The following SLC17A1 variants were observed in gnomAD, a reference collection of about 807,000 sequenced individuals.
SLC17A1 encodes solute carrier family 17 member 1.
In SLC17A1, 51 loss-of-function variants were observed where a neutral mutation model predicts 53.5. That is an observed-to-expected ratio of 0.95 (90% CI 0.76 to 1.20). The LOEUF (loss-of-function observed/expected upper bound fraction) is 1.20, where lower values mean the gene tolerates loss of function less well. Ranked by LOEUF, SLC17A1 falls within the 50% of genes most tolerant of loss-of-function variation. The pLI is 0.00. For synonymous variants in SLC17A1, 179 were observed against 198.8 expected (o/e 0.90, Z 0.84); for missense variants, 538 against 568.2 (o/e 0.95, Z 0.54).
the SLC17A1 span, among the ~76,000 whole-genome samples, chr6:25,725,205 A>G: frequency 2.6e-5 from 4 of 151,890 alleles, no homozygotes; most frequent in African/African-American, 9.7e-5. Context: ...TGAAGCATAT[A>G]CTCTTCCAAA....
chr6:25,743,671 C>A, the SLC17A1 span, among the ~76,000 whole-genome samples: 1 of 143,594 alleles, frequency 7.0e-6, no homozygotes, highest in Non-Finnish European at 1.5e-5. Flanking sequence ...GCTTGCAATG[C>A]CAGTATAGTT....
intron 10 of SLC17A1, among the ~76,000 whole-genome samples, chr6:25,802,935 CTTTTTTTTTTTTTTTT>C (rs34669145): frequency 4.3e-5 from 2 of 46,062 alleles, no homozygotes; most frequent in Non-Finnish European, 7.7e-5. Context: ...CTATCTTCTT[CTTTTTTTTTTTTTTTT>C]TTTTTTTTTT....
chr6:25,749,753 T>A, the SLC17A1 span, among the ~76,000 whole-genome samples: 4 of 152,222 alleles, frequency 2.6e-5, no homozygotes, highest in Non-Finnish European at 5.9e-5. Flanking sequence ...TCATACTTCT[T>A]GGCTGCATTA....
At chr6:25,769,299 T>A in the SLC17A1 span, 3 of 1,050,460 alleles carry the variant, frequency 2.9e-6, no homozygotes, top group Non-Finnish European at 4.1e-6. Context: ...GAACATGTAC[T>A]ATGTGCCAGG....
At chr6:25,787,928 C>T (rs939681853) in intron 12 of SLC17A1, among the ~76,000 whole-genome samples, 12 of 152,158 alleles carry the variant, frequency 7.9e-5, no homozygotes, top group Non-Finnish European at 7.3e-5. Context: ...TCTGAGGATT[C>T]GCCCAGTCTT....
chr6:25,819,002 G>T, intron 6 of SLC17A1, 66 bp downstream of exon 6: 2 of 958,128 alleles, frequency 2.1e-6, no homozygotes, highest in Non-Finnish European at 1.5e-6. Context: ...ACATTATATT[G>T]GGTTTTAATG....
At chr6:25,760,736 C>G in the SLC17A1 span, among the ~76,000 whole-genome samples, 1 of 152,074 alleles carries the variant, frequency 6.6e-6, no homozygotes, top group African/African-American at 2.4e-5. Context: ...CTTTCATTAG[C>G]TATGTCTAGT....
chr6:25,788,723 G>C (rs1401677965), intron 12 of SLC17A1, among the ~76,000 whole-genome samples: 1 of 152,164 alleles, frequency 6.6e-6, no homozygotes, highest in Non-Finnish European at 1.5e-5. Flanking sequence ...CAGGAAAGGA[G>C]AGCATCCACA....
At chr6:25,793,289 C>T (rs987081484) in intron 12 of SLC17A1, among the ~76,000 whole-genome samples, 1 of 152,138 alleles carries the variant, frequency 6.6e-6, no homozygotes, top group Admixed American at 6.5e-5. Flanking sequence ...TTCTGATATT[C>T]ATTCAGACAG....
At chr6:25,790,187 T>C (rs1031890807) in intron 12 of SLC17A1, among the ~76,000 whole-genome samples, 8 of 152,228 alleles carry the variant, frequency 5.3e-5, no homozygotes, top group Non-Finnish European at 1.0e-4. Context: ...ATGGTTATAA[T>C]GTTAACAATA....
chr6:25,727,552 C>T, the SLC17A1 span, among the ~76,000 whole-genome samples: 6 of 149,894 alleles, frequency 4.0e-5, no homozygotes, highest in African/African-American at 1.5e-4. Flanking sequence ...CCACTACACC[C>T]GGCTAATTTT....
downstream of SLC17A1, chr6:25,779,353 C>T (rs376774995): frequency 4.3e-5 from 37 of 868,234 alleles, no homozygotes; most frequent in South Asian, 1.9e-4. Flanking sequence ...GAAGAAAACA[C>T]GCTAGTTATT....
chr6:25,732,992 T>G, the SLC17A1 span, among the ~76,000 whole-genome samples: 1 of 152,232 alleles, frequency 6.6e-6, no homozygotes, highest in Admixed American at 6.5e-5. Context: ...AAAATGCTGT[T>G]TCGTCAATAA....
At chr6:25,769,287 C>A in the SLC17A1 span, 1 of 1,137,254 alleles carries the variant, frequency 8.8e-7, no homozygotes, top group Non-Finnish European at 1.3e-6. Context: ...TAAGTATTTA[C>A]TGAACATGTA....
chr6:25,791,338 TG>T (rs960018526), intron 12 of SLC17A1, among the ~76,000 whole-genome samples: 4 of 152,224 alleles, frequency 2.6e-5, no homozygotes, highest in Admixed American at 1.3e-4. Context: ...GTGAAAATGA[TG>T]TTTTTTTTGA....
chr6:25,815,028 CACAA>C (rs1296659047), intron 6 of SLC17A1, among the ~76,000 whole-genome samples: 3 of 146,852 alleles, frequency 2.0e-5, no homozygotes, highest in African/African-American at 2.5e-5. Context: ...CACACACACA[CACAA>C]AGAATGAAAT....
intron 10 of SLC17A1, among the ~76,000 whole-genome samples, chr6:25,805,886 CCAA>C (rs373740774): frequency 3.3e-5 from 5 of 151,328 alleles, no homozygotes; most frequent in African/African-American, 4.8e-5. Flanking sequence ...TAAAAAATTG[CCAA>C]CAACAACAAC....
intron 2 of SLC17A1, among the ~76,000 whole-genome samples, chr6:25,830,009 C>G (rs1331838791): frequency 2.0e-5 from 3 of 152,074 alleles, no homozygotes; most frequent in Non-Finnish European, 4.4e-5. Flanking sequence ...AAAAAGTATA[C>G]AATCTATCGC....
chr6:25,732,777 T>A, the SLC17A1 span: 1 of 939,808 alleles, frequency 1.1e-6, no homozygotes, highest in Non-Finnish European at 1.6e-6. Context: ...CAAGCTGTGC[T>A]GCTGTCCCAA....
Sources: allele counts gnomAD v4.1 joint callset (sites outside exome capture counted in the v4.1 genomes callset), GRCh38; gene constraint gnomAD v4.1.1; transcripts MANE v1.5; gene names NCBI Gene and HGNC (gene_info 2026-07-23, HGNC 2026-07-21).